RPN2: variants seen among roughly 807,000 people sequenced by gnomAD.
RPN2 encodes the protein dolichyl-diphosphooligosaccharide--protein glycosyltransferase subunit 2.
RPN2 carries 29 observed loss-of-function variants against 71.4 expected under a neutral mutation model. The ratio of observed to expected loss-of-function variants is 0.41; its 90% CI spans 0.30 to 0.55. RPN2 has a LOEUF of 0.55. Among genes scored for constraint, RPN2 ranks in the 20% least tolerant of loss-of-function variants. The pLI is 0.35. For missense variants in RPN2, 726 were observed against 774.1 expected (o/e 0.94, Z 0.74); for synonymous variants, 308 against 305.0 (o/e 1.01, Z -0.10).
rs536921530 is a variant in RPN2 at position 37,198,252 on chromosome 20, A to G, written c.208-145A>G. 2.5e-5 allele frequency: 37 copies of G among 1,484,748 alleles called. No individual in the cohort carries two copies. The African/African-American group carries it at 4.1e-4, about 17-fold the overall frequency. The allele number at this position is 1,484,748 out of a possible 1,614,324, so 92.0% of individuals were successfully genotyped here. ...GCAATTTTGGGTAATACCGTGTCCT[A>G]TGGAAAGTAACTACTTAACTAAATT... On this transcript the variant is annotated intron_variant, in intron 2 of 16. Coordinates refer to ENST00000237530, the MANE Select transcript of RPN2 (RefSeq NM_002951.5).
At chr20:37,237,288 T>C (rs1375322964) in intron 16 of RPN2, among the ~76,000 whole-genome samples, 1 of 152,214 alleles carries the variant, frequency 6.6e-6, no homozygotes, top group Non-Finnish European at 1.5e-5. Flanking sequence ...GGCAGCTTGC[T>C]GGCAGCTTGA....
chr20:37,183,778 A>T (rs1568957457), intron 1 of RPN2, among the ~76,000 whole-genome samples: 2 of 152,246 alleles, frequency 1.3e-5, no homozygotes, highest in African/African-American at 4.8e-5. Flanking sequence ...AAAAATGCTG[A>T]GCAGGAAAGA....
At chr20:37,195,591 A>G (rs987247020) in intron 2 of RPN2, among the ~76,000 whole-genome samples, 2 of 152,232 alleles carry the variant, frequency 1.3e-5, no homozygotes, top group African/African-American at 4.8e-5. Flanking sequence ...ATTGGGGATT[A>G]AATGAGAAAT....
intron 16 of RPN2, among the ~76,000 whole-genome samples, chr20:37,239,126 G>A (rs975773235): frequency 2.6e-5 from 4 of 152,210 alleles, no homozygotes; most frequent in Admixed American, 6.5e-5. Flanking sequence ...GATCTGCTCC[G>A]CTAGACCAGG....
intron 10 of RPN2, among the ~76,000 whole-genome samples, chr20:37,224,794 G>A (rs995425891): frequency 6.6e-5 from 10 of 152,200 alleles, no homozygotes; most frequent in African/African-American, 2.2e-4. Context: ...AAGGCTCTTT[G>A]AAGATGGGAT....
intron 4 of RPN2, among the ~76,000 whole-genome samples, chr20:37,203,176 C>T (rs569761192): frequency 2.6e-5 from 4 of 152,252 alleles, no homozygotes; most frequent in East Asian, 1.9e-4. Context: ...CCTCCTGCCT[C>T]GGCCTCCCAA....
chr20:37,218,795 G>GT (rs1480147357), intron 9 of RPN2, among the ~76,000 whole-genome samples: 5 of 151,708 alleles, frequency 3.3e-5, no homozygotes. Context: ...TGGCTTTTTT[G>GT]TTTTTTCACT....
intron 4 of RPN2, among the ~76,000 whole-genome samples, chr20:37,201,693 T>C (rs571833644): frequency 5.3e-5 from 8 of 152,338 alleles, no homozygotes; most frequent in Non-Finnish European, 8.8e-5. Context: ...ACCTGGAGAA[T>C]GTCTCGTAGG....
Position 37,207,452 on chromosome 20 carries a change from A to G in RPN2, c.867+3A>G. ...CTCATGAACAGGCTATCTTGCGGGT[A>G]AGACATCCATGCCCAAAGTGTGCCC... is the stretch of plus-strand genomic sequence containing the variant. On this transcript the variant is annotated splice_donor_region_variant and intron_variant, in intron 7 of 16. Transcript: ENST00000237530. 2 of 1,613,934 alleles carry G rather than the reference A, an allele frequency of 1.2e-6. No homozygotes were observed. The highest frequency in any genetic ancestry group is 2.2e-5 in the South Asian group (2 of 91,082).
chr20:37,184,777 G>GT (rs1457373752), intron 2 of RPN2, among the ~76,000 whole-genome samples: 1 of 152,222 alleles, frequency 6.6e-6, no homozygotes, highest in Non-Finnish European at 1.5e-5. Flanking sequence ...AGGCAACAGT[G>GT]TGAGACTCAG....
At chr20:37,235,065 A>T (rs1730979699) in intron 15 of RPN2, among the ~76,000 whole-genome samples, 1 of 152,216 alleles carries the variant, frequency 6.6e-6, no homozygotes, top group South Asian at 2.1e-4. Flanking sequence ...AGGGGTGCAT[A>T]GATAAGTCTC....
chr20:37,230,887 C>T (rs1475529486), intron 13 of RPN2, among the ~76,000 whole-genome samples: 1 of 151,902 alleles, frequency 6.6e-6, no homozygotes, highest in Non-Finnish European at 1.5e-5. Context: ...TAGGTGGCAG[C>T]AGCTGCTATA....
In RPN2 at chr20:37,196,778, G is replaced by A. The variant is rs543039692; in HGVS notation, c.208-1619G>A. Among the ~76,000 whole-genome samples the A allele has an allele frequency of 7.2e-5, 11 of 152,306 alleles. No homozygotes were observed. In the South Asian group the frequency reaches 1.0e-3, roughly 14 times the overall value. ...ATTGGCAGTCTATTGATTTGATACT[G>A]TTTCTTGGAGTCGAGGAGAGTCGTA... On this transcript the variant is annotated intron_variant, in intron 2 of 16. Transcript: ENST00000237530.
chr20:37,232,131 T>A (rs2068264881), intron 13 of RPN2, among the ~76,000 whole-genome samples, 165 bp from the exon 14 acceptor site: 1 of 152,190 alleles, frequency 6.6e-6, no homozygotes, highest in Non-Finnish European at 1.5e-5. Context: ...AAGCCAGCAT[T>A]GAGAAGAGGC....
chr20:37,211,250 G>C (rs1010163648), intron 8 of RPN2, among the ~76,000 whole-genome samples: 1 of 151,564 alleles, frequency 6.6e-6, no homozygotes, highest in African/African-American at 2.4e-5. Context: ...GACCAGGCTG[G>C]TCTTGAACTC....
chr20:37,224,454 C>T (rs555801864), intron 10 of RPN2, among the ~76,000 whole-genome samples: 3 of 152,306 alleles, frequency 2.0e-5, no homozygotes, highest in South Asian at 2.1e-4. Flanking sequence ...AAGCCTCACA[C>T]GTGCTTAAAA....
At chr20:37,240,379 T>G (rs1227356925) in intron 16 of RPN2, among the ~76,000 whole-genome samples, 2 of 152,200 alleles carry the variant, frequency 1.3e-5, no homozygotes, top group Non-Finnish European at 2.9e-5. Flanking sequence ...TGGCAAGGAA[T>G]TAGGGGTGCA....
intron 3 of RPN2, 32 bp from the exon 4 acceptor site, chr20:37,199,018 C>G: frequency 6.3e-7 from 1 of 1,590,648 alleles, no homozygotes; most frequent in Non-Finnish European, 8.6e-7. Flanking sequence ...AAGACCTGTT[C>G]TAAAACTCTG....
intron 7 of RPN2, 91 bp downstream of exon 7, chr20:37,207,540 A>G: frequency 8.3e-7 from 1 of 1,210,690 alleles, no homozygotes; most frequent in East Asian, 2.3e-5. Flanking sequence ...AGCCAATTAC[A>G]GCCCCTACAA....
Sources: allele counts gnomAD v4.1 joint callset (sites outside exome capture counted in the v4.1 genomes callset), GRCh38; gene constraint gnomAD v4.1.1; transcripts MANE v1.5; gene names NCBI Gene and HGNC (gene_info 2026-07-23, HGNC 2026-07-21).